Variants in AHNAK observed in about 807,000 individuals in gnomAD.
AHNAK encodes the protein neuroblast differentiation-associated protein AHNAK.
Under a neutral mutation model 37.8 loss-of-function variants are expected in AHNAK, and 23 were observed. That is an observed-to-expected ratio of 0.61 (90% CI 0.44 to 0.86). AHNAK has a LOEUF of 0.86. Ranked by LOEUF, AHNAK falls within the 40% of genes least tolerant of loss-of-function variation. AHNAK has a pLI of 0.00. For missense variants in AHNAK, 7,411 were observed against 7,319.4 expected (o/e 1.01, Z -0.46); for synonymous variants, 2,481 against 2,636.3 (o/e 0.94, Z 1.80).
downstream of AHNAK, among the ~76,000 whole-genome samples, chr11:62,514,756 C>T (rs990979615): frequency 2.6e-5 from 4 of 152,154 alleles, no homozygotes; most frequent in Non-Finnish European, 4.4e-5. Context: ...AAAACGCAGC[C>T]GGGTATCAAG....
At chr11:62,446,701 G>T (rs1749894015) in intron 5 of AHNAK, among the ~76,000 whole-genome samples, 1 of 151,950 alleles carries the variant, frequency 6.6e-6, no homozygotes, top group Admixed American at 6.6e-5. Flanking sequence ...AAAGGCACCA[G>T]AATCTTCTCA....
chr11:62,537,172 G>A (rs940986876), intron 1 of AHNAK: 3 of 152,200 alleles, frequency 2.0e-5, no homozygotes, highest in Non-Finnish European at 4.4e-5. Context: ...GTGTTAGCCA[G>A]GATGATCTCG....
In AHNAK at chr11:62,529,798, C is replaced by A; in HGVS notation, c.4619G>T (p.Gly1540Val). ...VDMNLPKADL[G>V]VSGPKVDIDV... ...AATGTCCACCTTGGGTCCTGAAACA[C>A]CAAGGTCAGCCTTGGGCAGGTTCAT... is the stretch of plus-strand genomic sequence containing the variant. The change falls in exon 5 of 5, where the codon GGT becomes GTT. Residue 1540 changes from glycine to valine, a missense_variant. By Grantham distance (109) the Gly-to-Val change is moderately radical. Coordinates refer to ENST00000378024, the MANE Select transcript of AHNAK (RefSeq NM_001620.3). 6.2e-7 allele frequency: 1 copy of A among 1,613,902 alleles called. No individual in the cohort carries two copies. Among genetic ancestry groups the A allele is most frequent in the Non-Finnish European group, 8.5e-7 (1 of 1,179,936 alleles).
Position 62,529,764 on chromosome 11 carries a change from T to C in AHNAK, c.4653A>G (p.Pro1551=). The C allele has an allele frequency of 6.2e-7, 1 of 1,614,168 alleles. No individual in the cohort carries two copies. Among genetic ancestry groups the C allele is most frequent in the Non-Finnish European group, 8.5e-7 (1 of 1,180,034 alleles). The stretch of plus-strand genomic sequence containing the variant: ...CCTCTGGAGCTTCAAGATTCACATC[T>C]GGAACATCAATGTCCACCTTGGGTC... ...VSGPKVDIDV[P]DVNLEAPEGK... Residue 1551 remains proline (P), a synonymous_variant, in exon 5 of 5, where the codon CCA becomes CCG. Transcript: ENST00000378024.
chr11:62,497,913 G>A (rs775509994), intron 4 of AHNAK, among the ~76,000 whole-genome samples: 5 of 151,700 alleles, frequency 3.3e-5, no homozygotes, highest in East Asian at 1.9e-4. Context: ...GCAGTGAGCC[G>A]AGACTGAGCC....
At position 62,532,934 on chromosome 11, in the gene AHNAK, T is replaced by C. The variant is rs752014585; in HGVS notation, c.1483A>G (p.Ile495Val). The C allele has an allele frequency of 1.2e-6, 2 of 1,614,132 alleles. No homozygotes were observed. The highest frequency in any genetic ancestry group is 1.7e-6 in the Non-Finnish European group (2 of 1,180,016). ...TGCATGGAGATTTTAGGTTTCTGAA[T>C]AATCATTTCAGGAGTCTTCACTTTA... ...GTKVKTPEMI[I>V]QKPKISMQDV... The change falls in exon 5 of 5, where the codon ATT (isoleucine) becomes GTT (valine). Residue 495 changes from isoleucine to valine, a missense_variant. By Grantham distance (29) the Ile-to-Val change is conservative. Coordinates refer to ENST00000378024, the MANE Select transcript of AHNAK (RefSeq NM_001620.3).
chr11:62,532,729 T>C lies in AHNAK; in HGVS notation c.1688A>G (p.Lys563Arg). 1 of 1,614,044 alleles carries C rather than the reference T, an allele frequency of 6.2e-7. No homozygotes were observed. The highest frequency in any genetic ancestry group is 8.5e-7 in the Non-Finnish European group (1 of 1,179,990). Reference protein sequence around the residue: ...TGPRLGSPSGKTGTCRISMSE... With the variant: ...TGPRLGSPSGRTGTCRISMSE... ...CATAGAGATCCTACAGGTTCCGGTTTTCCCGGAAGGACTGCCAAGCCTAGG... is the reference window on the plus strand; with the variant it reads ...CATAGAGATCCTACAGGTTCCGGTTCTCCCGGAAGGACTGCCAAGCCTAGG... Residue 563 changes from lysine (K) to arginine (R), a missense_variant, in exon 5 of 5, where the codon AAA (lysine) becomes AGA (arginine). Coordinates refer to ENST00000378024, the MANE Select transcript of AHNAK (RefSeq NM_001620.3).
At chr11:62,504,028 G>T (rs766191958) in intron 4 of AHNAK, among the ~76,000 whole-genome samples, 130 of 152,092 alleles carry the variant, frequency 8.5e-4, no homozygotes, top group Non-Finnish European at 1.4e-3. Flanking sequence ...AGGCATGGTG[G>T]TGCGCACCTG....
At chr11:62,474,502 C>T (rs913532374) in intron 5 of AHNAK, among the ~76,000 whole-genome samples, 2 of 152,174 alleles carry the variant, frequency 1.3e-5, no homozygotes, top group Non-Finnish European at 1.5e-5. Flanking sequence ...ACATCTTTAA[C>T]CAGCTCCCCA....
chr11:62,532,712 T>C lies in AHNAK; in HGVS notation c.1705A>G (p.Ile569Val), dbSNP rs1254410069. 6.2e-7 allele frequency: 1 copy of C among 1,613,958 alleles called. No homozygotes were observed. The highest frequency in any genetic ancestry group is 8.5e-7 in the Non-Finnish European group (1 of 1,179,982). The change falls in exon 5 of 5, where the codon ATC (isoleucine) becomes GTC (valine). Residue 569 changes from isoleucine to valine, a missense_variant. Ile to Val is a conservative substitution (Grantham distance 29). Coordinates refer to ENST00000378024, the MANE Select transcript of AHNAK (RefSeq NM_001620.3). ...TTTAAGTCTACTTCTGACATAGAGA[T>C]CCTACAGGTTCCGGTTTTCCCGGAA... Reference protein sequence around the residue: ...SPSGKTGTCRISMSEVDLNVA... With the variant: ...SPSGKTGTCRVSMSEVDLNVA...
chr11:62,450,082 T>C (rs992726671), intron 5 of AHNAK, among the ~76,000 whole-genome samples: 1 of 151,874 alleles, frequency 6.6e-6, no homozygotes, highest in African/African-American at 2.4e-5. Context: ...CTGTTTTTTA[T>C]TTTATTTTGT....
chr11:62,542,283 G>A (rs1416061964), intron 1 of AHNAK, among the ~76,000 whole-genome samples: 1 of 151,986 alleles, frequency 6.6e-6, no homozygotes, highest in African/African-American at 2.4e-5. Flanking sequence ...CTGTTTACCT[G>A]GCACCTGTGT....
At chr11:62,482,282 G>A (rs899363386) in intron 5 of AHNAK, among the ~76,000 whole-genome samples, 1 of 152,160 alleles carries the variant, frequency 6.6e-6, no homozygotes, top group African/African-American at 2.4e-5. Flanking sequence ...GGGCGTGGTG[G>A]TGCGTGCCTG....
At position 62,527,519 on chromosome 11, in the gene AHNAK, A is replaced by G. The variant is rs138917652; in HGVS notation, c.6898T>C (p.Phe2300Leu). Residue 2300 changes from phenylalanine to leucine, a missense_variant, in exon 5 of 5, where the codon TTT (phenylalanine) becomes CTT (leucine). Transcript: ENST00000378024. Reference protein sequence around the residue: ...GPEGKLKGPKFKMPEMHFKTP... With the variant: ...GPEGKLKGPKLKMPEMHFKTP... ...TTGAAGTGCATCTCAGGCATCTTAA[A>G]CTTGGGGCCCTTCAGCTTCCCTTCT... is the stretch of plus-strand genomic sequence containing the variant. 8.6e-4 allele frequency: 1,380 copies of G among 1,611,886 alleles called. 17 individuals carry two copies. The East Asian group carries it at 0.027, about 31-fold the overall frequency.
Position 62,531,214 on chromosome 11 carries a change from G to A in AHNAK, c.3203C>T (p.Ser1068Phe). The A allele has an allele frequency of 1.2e-6, 2 of 1,614,074 alleles. No individual in the cohort carries two copies. The highest frequency in any genetic ancestry group is 1.7e-6 in the Non-Finnish European group (2 of 1,180,016). The change falls in exon 5 of 5, where the codon TCT (serine) becomes TTT (phenylalanine). Residue 1068 changes from serine to phenylalanine, a missense_variant. Transcript: ENST00000378024. ...PEMHFRAPKM[S>F]LPDVDLDLKG... ...AAGATCCAGGTCAACATCTGGCAAA[G>A]ACATCTTAGGAGCTCTGAAGTGCAT...
chr11:62,483,766 G>A (rs1297686001), intron 5 of AHNAK, among the ~76,000 whole-genome samples: 2 of 152,026 alleles, frequency 1.3e-5, no homozygotes, highest in Non-Finnish European at 2.9e-5. Context: ...GGCTGAGGCA[G>A]GAGAATGGCG....
intron 5 of AHNAK, among the ~76,000 whole-genome samples, chr11:62,436,160 G>C (rs573370099): frequency 6.6e-6 from 1 of 152,172 alleles, no homozygotes; most frequent in Admixed American, 6.6e-5. Flanking sequence ...GAAGTTGCAG[G>C]CTCTTTTCCT....
chr11:62,535,051 C>T lies in AHNAK; in HGVS notation c.294G>A (p.Gln98=). The stretch of plus-strand genomic sequence containing the variant: ...AGCTGAAGACTTCACGGGTCCAGGT[C>T]TGGCCAGGCTCGGGAGAGCGGTCCC... The part of the protein sequence containing the change: ...RKGDRSPEPG[Q]TWTREVFSSC... Residue 98 remains glutamine, a synonymous_variant, in exon 4 of 5, where the codon CAG becomes CAA. Coordinates refer to ENST00000378024, the MANE Select transcript of AHNAK (RefSeq NM_001620.3). The T allele has an allele frequency of 6.2e-7, 1 of 1,613,792 alleles. No individual in the cohort carries two copies. The highest frequency in any genetic ancestry group is 1.7e-5 in the Admixed American group (1 of 60,022).
chr11:62,534,742 G>A (rs1940885608), intron 4 of AHNAK, among the ~76,000 whole-genome samples: 1 of 152,146 alleles, frequency 6.6e-6, no homozygotes, highest in African/African-American at 2.4e-5. Context: ...AGCATCTAGG[G>A]CCGGGCTGCA....
Sources: allele counts gnomAD v4.1 joint callset (sites outside exome capture counted in the v4.1 genomes callset), GRCh38; gene constraint gnomAD v4.1.1; transcripts MANE v1.5; gene names NCBI Gene and HGNC (gene_info 2026-07-23, HGNC 2026-07-21).